The following ANKRD26 variants were observed in gnomAD, a reference collection of about 807,000 sequenced individuals.
ANKRD26 encodes ankyrin repeat domain 26.
ANKRD26 carries 141 observed loss-of-function variants against 208.7 expected under a neutral mutation model. That is an observed-to-expected ratio of 0.68 (90% CI 0.59 to 0.78). The LOEUF is 0.78. ANKRD26 is among the 30% of genes least tolerant of loss of function. The probability of loss-of-function intolerance (pLI) is 0.00; values close to 1 mark genes in which losing one functional copy is unlikely to be tolerated. For synonymous variants in ANKRD26, 636 were observed against 660.4 expected (o/e 0.96, Z 0.57); for missense variants, 1,889 against 1,938.7 (o/e 0.97, Z 0.48).
chr10:27,055,877 G>C (rs1051646458), intron 15 of ANKRD26, among the ~76,000 whole-genome samples: 2 of 152,132 alleles, frequency 1.3e-5, no homozygotes, highest in African/African-American at 4.8e-5. Flanking sequence ...ACTAACACTT[G>C]TGAATTCAGA....
At chr10:26,996,259 A>C (rs759422111) in intron 4 of ANKRD26, among the ~76,000 whole-genome samples, 10 of 152,132 alleles carry the variant, frequency 6.6e-5, no homozygotes, top group Non-Finnish European at 1.2e-4. Context: ...CCAGCCTGGG[A>C]AATATAGTGA....
chr10:27,082,678 G>T, intron 6 of ANKRD26, 125 bp downstream of exon 6: 1 of 1,357,686 alleles, frequency 7.4e-7, no homozygotes, highest in Non-Finnish European at 9.8e-7. Flanking sequence ...CAGATACTTT[G>T]CAAAGCTGTT....
intron 28 of ANKRD26, 131 bp from the exon 29 acceptor site, chr10:27,022,818 G>A: frequency 1.2e-6 from 1 of 852,290 alleles, no homozygotes; most frequent in Middle Eastern, 3.8e-4. Flanking sequence ...ATTTCAATCT[G>A]ACATAGTTTG....
At chr10:26,992,263 C>G (rs2052500091) in intron 5 of ANKRD26, among the ~76,000 whole-genome samples, 1 of 152,026 alleles carries the variant, frequency 6.6e-6, no homozygotes, top group Non-Finnish European at 1.5e-5. Flanking sequence ...ACATTTTCCT[C>G]CCATTTTTTC....
At chr10:26,983,568 G>T (rs1271208407) in intron 3 of ANKRD26, among the ~76,000 whole-genome samples, 2 of 152,230 alleles carry the variant, frequency 1.3e-5, no homozygotes, top group African/African-American at 4.8e-5. Flanking sequence ...TCTTTAATGT[G>T]GTTTCTTGGT....
chr10:27,021,612 T>C (rs2053492164), intron 29 of ANKRD26, among the ~76,000 whole-genome samples: 1 of 152,220 alleles, frequency 6.6e-6, no homozygotes, highest in South Asian at 2.1e-4. Flanking sequence ...CTGTTTCAGA[T>C]TTTTTGCCTA....
chr10:26,962,697 G>A, the ANKRD26 span, among the ~76,000 whole-genome samples: 72 of 152,264 alleles, frequency 4.7e-4, no homozygotes, highest in Non-Finnish European at 8.8e-4. Context: ...GCAGTGAGCT[G>A]TGATCATGCC....
chr10:27,028,453 C>T (rs1230056166), intron 27 of ANKRD26, among the ~76,000 whole-genome samples: 3 of 151,392 alleles, frequency 2.0e-5, no homozygotes, highest in Admixed American at 6.6e-5. Context: ...AAAAATTAAC[C>T]GGGTGTGGTG....
chr10:27,071,507 C>T (rs1405150008), intron 9 of ANKRD26, among the ~76,000 whole-genome samples: 1 of 152,038 alleles, frequency 6.6e-6, no homozygotes, highest in African/African-American at 2.4e-5. Context: ...AATGCTTATA[C>T]TAAAATTAAT....
intron 4 of ANKRD26, among the ~76,000 whole-genome samples, chr10:27,090,320 G>A (rs1346651961): frequency 3.3e-5 from 5 of 152,020 alleles, no homozygotes; most frequent in African/African-American, 9.7e-5. Flanking sequence ...GCTTAAACCC[G>A]GGAGGTAGAG....
Position 27,039,955 on chromosome 10 carries a change from G to A in ANKRD26, c.2375+10C>T. 1 of 1,607,586 alleles carries A rather than the reference G, an allele frequency of 6.2e-7. No individual in the cohort carries two copies. Among genetic ancestry groups the A allele is most frequent in the Non-Finnish European group, 8.5e-7 (1 of 1,174,860 alleles). The stretch of plus-strand genomic sequence containing the variant: ...TAGTTAAACATTTCTTTAAAACTAG[G>A]CTATCATACCTCAAAGAGCACAGTT... On this transcript the variant is annotated intron_variant, in intron 21 of 33. Transcript: ENST00000376087.
chr10:26,995,033 C>A (rs749164898), intron 5 of ANKRD26: 2 of 470,916 alleles, frequency 4.2e-6, no homozygotes, highest in Non-Finnish European at 8.8e-6. Context: ...TCAGACCCAT[C>A]TGCATACCAG....
intron 6 of ANKRD26, among the ~76,000 whole-genome samples, chr10:27,081,489 C>T (rs1178898175): frequency 6.6e-6 from 1 of 152,074 alleles, no homozygotes. Flanking sequence ...AATATCATAT[C>T]CAAATAAATC....
At chr10:26,978,385 G>T (rs1564328350) in intron 5 of ANKRD26, among the ~76,000 whole-genome samples, 1 of 152,144 alleles carries the variant, frequency 6.6e-6, no homozygotes, top group Non-Finnish European at 1.5e-5. Flanking sequence ...GAACCCGGGA[G>T]GCAGAGGTTG....
rs767581583 is a variant in ANKRD26 at position 27,035,572 on chromosome 10, T to C, written c.2878A>G (p.Ile960Val). The C allele has an allele frequency of 9.3e-6, 15 of 1,613,666 alleles. No individual in the cohort carries two copies. Among genetic ancestry groups the C allele is most frequent in the Non-Finnish European group, 1.2e-5 (14 of 1,179,856 alleles). The change falls in exon 24 of 34, where the codon ATA becomes GTA. Residue 960 changes from isoleucine to valine, a missense_variant. By Grantham distance (29) the Ile-to-Val change is conservative. Around this residue, in one of 3 missense-constraint regions of ANKRD26, gnomAD observed 1,272 missense variants for 1,273.8 expected, o/e 1.00. Transcript: ENST00000376087. ...GTTAATGTTTCCTCATTCTGTTTTATAGTCTTCTGAAGGTCTTCATTCTTT... is the reference window on the plus strand; with the variant it reads ...GTTAATGTTTCCTCATTCTGTTTTACAGTCTTCTGAAGGTCTTCATTCTTT... ...KEKNEDLQKT[I>V]KQNEETLTQT... is the part of the protein sequence containing the mutation.
chr10:26,950,933 C>A, the ANKRD26 span, among the ~76,000 whole-genome samples: 10 of 151,574 alleles, frequency 6.6e-5, no homozygotes, highest in African/African-American at 2.4e-4. Context: ...CAGTGAATGG[C>A]CACTATTTCT....
Position 27,039,067 on chromosome 10 carries a change from T to C in ANKRD26, c.2375+898A>G, listed in dbSNP as rs561248444. Among the ~76,000 whole-genome samples, 7 of 152,350 alleles carry C rather than the reference T, an allele frequency of 4.6e-5. No homozygotes were observed. In the East Asian group the frequency reaches 1.3e-3, roughly 29 times the overall value. ...AATATGCATTTTCAACACAGAACTT[T>C]GAATGAATTTTATCTGTGTATTAGA... On this transcript the variant is annotated intron_variant, in intron 21 of 33. Transcript: ENST00000376087.
chr10:27,045,122 C>T (rs7075025), intron 18 of ANKRD26, among the ~76,000 whole-genome samples: 40 of 152,300 alleles, frequency 2.6e-4, no homozygotes, highest in African/African-American at 8.7e-4. Context: ...TTTATTCATG[C>T]ATTCAAAAAT....
downstream of ANKRD26, among the ~76,000 whole-genome samples, chr10:26,969,169 C>T (rs959311094): frequency 1.1e-4 from 16 of 152,112 alleles, no homozygotes; most frequent in African/African-American, 3.9e-4. Flanking sequence ...AATGAAGTGC[C>T]CGGATCTCTG....
Sources: allele counts gnomAD v4.1 joint callset (sites outside exome capture counted in the v4.1 genomes callset), GRCh38; gene constraint gnomAD v4.1.1; regional missense constraint gnomAD v4.1.1; transcripts MANE v1.5; gene names NCBI Gene and HGNC (gene_info 2026-07-23, HGNC 2026-07-21).